The following MUC21 variants were observed in gnomAD, a reference collection of about 807,000 sequenced individuals.
The protein encoded by MUC21 is mucin 21, cell surface associated.
In MUC21, 8 loss-of-function variants were observed where a neutral mutation model predicts 9.1. That is an observed-to-expected ratio of 0.88 (90% CI 0.52 to 1.59). The LOEUF is 1.59. Ranked by LOEUF, MUC21 falls within the 40% of genes most tolerant of loss-of-function variation. The pLI, the probability that MUC21 is intolerant of heterozygous loss-of-function variation, is 0.00. For synonymous variants in MUC21, 189 were observed against 275.2 expected (o/e 0.69, Z 3.10); for missense variants, 478 against 694.2 (o/e 0.69, Z 3.50).
At chr6:30,987,724 G>A (rs1376404290) in intron 2 of MUC21, 43 bp downstream of exon 2, 1 of 1,594,326 alleles carries the variant, frequency 6.3e-7, no homozygotes, top group African/African-American at 1.3e-5. Flanking sequence ...GGAAGGAGCA[G>A]CAGAAACACA....
rs534658929 is a variant in MUC21 at position 30,986,931 on chromosome 6, C to T, written c.756C>T (p.Ala252=). 20,554 of 1,435,740 alleles carry T rather than the reference C, an allele frequency of 0.014. 1,057 individuals are homozygous for T. The highest frequency in any genetic ancestry group is 0.043 in the East Asian group (1,604 of 36,958). 88.9% of individuals were successfully genotyped at this position (1,435,740 alleles called of 1,614,324 possible). The part of the protein sequence containing the change: ...NSESSTPSSG[A]GTATNSESST... ...AGTCCAGCACACCCTCCAGTGGGGCCGGCACAGCCACCAACTCTGAGTCCA... is the reference window on the plus strand; with the variant it reads ...AGTCCAGCACACCCTCCAGTGGGGCTGGCACAGCCACCAACTCTGAGTCCA... Residue 252 remains alanine, a synonymous_variant, in exon 2 of 3, where the codon GCC becomes GCT. Coordinates refer to ENST00000376296, the MANE Select transcript of MUC21 (RefSeq NM_001010909.5).
Position 30,986,319 on chromosome 6 carries a change from T to C in MUC21, c.144T>C (p.Ser48=). The C allele has an allele frequency of 6.2e-7, 1 of 1,613,858 alleles. No homozygotes were observed. Among genetic ancestry groups the C allele is most frequent in the Non-Finnish European group, 8.5e-7 (1 of 1,179,840 alleles). Residue 48 remains serine (S), a synonymous_variant, in exon 2 of 3, where the codon TCT becomes TCC. Transcript: ENST00000376296. ...ISSGASTATN[S]GSSVTSSGVS... is the part of the protein sequence containing the mutation. ...GTGGAGCCAGCACAGCCACCAACTC[T>C]GGGTCCAGTGTGACCTCCAGTGGGG...
chr6:30,986,140 A>T, intron 1 of MUC21, 97 bp from the exon 2 acceptor site: 1 of 1,036,044 alleles, frequency 9.7e-7, no homozygotes, highest in Non-Finnish European at 1.4e-6. Flanking sequence ...ATAGCACCAT[A>T]GTGAGCATTA....
chr6:30,987,915 T>A, intron 2 of MUC21, 85 bp from the exon 3 acceptor site: 1 of 1,011,814 alleles, frequency 9.9e-7, no homozygotes, highest in Non-Finnish European at 1.6e-6. Flanking sequence ...TGGTTGGAAG[T>A]GGGAGAAGAT....
intron 1 of MUC21, among the ~76,000 whole-genome samples, chr6:30,984,398 C>T (rs1396203336): frequency 1.3e-5 from 2 of 151,588 alleles, no homozygotes; most frequent in Non-Finnish European, 2.9e-5. Context: ...TGGCGGGGTG[C>T]GGTGGCTCAT....
In MUC21 at chr6:30,988,620, CG is replaced by C. The variant is rs1353292732; in HGVS notation, c.*427del. The C allele has an allele frequency of 1.3e-4, 21 of 162,736 alleles. No individual in the cohort carries two copies. Among genetic ancestry groups the C allele is most frequent in the Admixed American group, 1.9e-4 (3 of 15,726 alleles). The allele number at this position is 162,736 out of a possible 1,614,324, so 10.1% of individuals were successfully genotyped here. On this transcript the variant is annotated 3_prime_UTR_variant, in exon 3 of 3. Coordinates refer to ENST00000376296, the MANE Select transcript of MUC21 (RefSeq NM_001010909.5). ...AGGTCCCTGTATCTCTGAGACACCC[CG>C]ATTGGCTGGAGAATTGACTTGGGAG...
rs1205225572 is a variant in MUC21, at chr6:30,986,397, A to G, written c.222A>G (p.Ile74Met). The change falls in exon 2 of 3, where the codon ATA becomes ATG. Residue 74 changes from isoleucine (I) to methionine (M), a missense_variant. Ile to Met is a conservative substitution (Grantham distance 10). Coordinates refer to ENST00000376296, the MANE Select transcript of MUC21 (RefSeq NM_001010909.5). ...GCGTGACCTCCAATGGGGTCAGCAT[A>G]GTCACCAACTCTGAGTTCCATACAA... ...GSSVTSNGVS[I>M]VTNSEFHTTS... 4 of 1,612,240 alleles carry G rather than the reference A, an allele frequency of 2.5e-6. No homozygotes were observed. Among genetic ancestry groups the G allele is most frequent in the Non-Finnish European group, 3.4e-6 (4 of 1,179,332 alleles).
In MUC21 at chr6:30,988,391, G is replaced by C; in HGVS notation, c.*197G>C. The C allele has an allele frequency of 1.8e-6, 1 of 564,984 alleles. No individual in the cohort carries two copies. Among genetic ancestry groups the C allele is most frequent in the Non-Finnish European group, 3.1e-6 (1 of 324,128 alleles). 35.0% of individuals were successfully genotyped at this position (564,984 alleles called of 1,614,324 possible). A position where few individuals can be genotyped will look rare whatever the true frequency, so the allele number is the denominator to read the frequency against. On this transcript the variant is annotated 3_prime_UTR_variant, in exon 3 of 3. Coordinates refer to ENST00000376296, the MANE Select transcript of MUC21 (RefSeq NM_001010909.5). ...AATACTATATTGCTCATTTAGCTAA[G>C]AAATAAATACATCTCATCTAACACA...
chr6:30,986,154 A>G, intron 1 of MUC21, 83 bp from the exon 2 acceptor site: 1 of 1,192,270 alleles, frequency 8.4e-7, no homozygotes, highest in Non-Finnish European at 1.2e-6. Flanking sequence ...AGCATTAAAT[A>G]AAATTATGTA....
chr6:30,989,841 T>C lies in MUC21; in HGVS notation c.*1647T>C, dbSNP rs886403. ...AGAGGGAGTGTGGGAATCCACCATCTTGTGGCCACCTCAGACATCACTTCT... is the reference window on the plus strand; with the variant it reads ...AGAGGGAGTGTGGGAATCCACCATCCTGTGGCCACCTCAGACATCACTTCT... On this transcript the variant is annotated 3_prime_UTR_variant, in exon 3 of 3. Transcript: ENST00000376296. 34,028 of 152,178 alleles carry C rather than the reference T, an allele frequency of 0.22. 4,271 individuals carry two copies. Among genetic ancestry groups the C allele is most frequent in the Non-Finnish European group, 0.28 (19,265 of 67,976 alleles). 9.4% of individuals were successfully genotyped at this position (152,178 alleles called of 1,614,324 possible).
intron 1 of MUC21, among the ~76,000 whole-genome samples, chr6:30,984,353 A>T (rs1762161821): frequency 6.6e-6 from 1 of 152,242 alleles, no homozygotes; most frequent in Admixed American, 6.5e-5. Flanking sequence ...TATTAAGAAC[A>T]AGAAGAGTCG....
chr6:30,985,818 G>T (rs966881051), intron 1 of MUC21, among the ~76,000 whole-genome samples: 1 of 152,012 alleles, frequency 6.6e-6, no homozygotes, highest in African/African-American at 2.4e-5. Context: ...TTTGCTCTTG[G>T]CACCCAGGCT....
chr6:30,988,080 C>A lies in MUC21; in HGVS notation c.1587C>A (p.Gly529=). The change falls in exon 3 of 3, where the codon GGC becomes GGA. Residue 529 remains glycine, a synonymous_variant. Coordinates refer to ENST00000376296, the MANE Select transcript of MUC21 (RefSeq NM_001010909.5). ...PHGLNHGLGP[G]PGGNHGAPHR... ...GCCTCAACCATGGCCTTGGTCCAGGCCCTGGAGGGAATCATGGAGCCCCCC... is the reference window on the plus strand; with the variant it reads ...GCCTCAACCATGGCCTTGGTCCAGGACCTGGAGGGAATCATGGAGCCCCCC... The A allele has an allele frequency of 1.9e-6, 3 of 1,602,402 alleles. No individual in the cohort carries two copies. In the Middle Eastern group the frequency reaches 5.0e-4, roughly 265 times the overall value.
At position 30,984,104 on chromosome 6, in the gene MUC21, G is replaced by A. The variant is rs538394996; in HGVS notation, c.61+85G>A. On this transcript the variant is annotated intron_variant, in intron 1 of 2. Transcript: ENST00000376296. ...TGTGACCACTACTGGGGCCAGCTCTGCTTCTCTTCCATAGAGTGAGGATCA... is the reference window on the plus strand; with the variant it reads ...TGTGACCACTACTGGGGCCAGCTCTACTTCTCTTCCATAGAGTGAGGATCA... The A allele has an allele frequency of 2.7e-4, 204 of 746,336 alleles. 1 individual carries two copies. In the African/African-American group the frequency reaches 3.3e-3, roughly 12 times the overall value. 46.2% of individuals were successfully genotyped at this position (746,336 alleles called of 1,614,324 possible).
Position 30,986,649 on chromosome 6 carries a change from C to T in MUC21, c.474C>T (p.Thr158=). The change falls in exon 2 of 3, where the codon ACC becomes ACT. Residue 158 remains threonine (T), a synonymous_variant. Coordinates refer to ENST00000376296, the MANE Select transcript of MUC21 (RefSeq NM_001010909.5). The part of the protein sequence containing the change: ...STATNSDSST[T]SSEASTATNS... ...CCACCAACTCTGACTCCAGCACAAC[C>T]TCCAGTGAGGCCAGCACAGCCACCA... The T allele has an allele frequency of 6.5e-7, 1 of 1,543,658 alleles. No homozygotes were observed. Among genetic ancestry groups the T allele is most frequent in the Non-Finnish European group, 8.8e-7 (1 of 1,141,506 alleles).
Position 30,986,510 on chromosome 6 carries a change from C to A in MUC21, c.335C>A (p.Thr112Lys), listed in dbSNP as rs144646436. The A allele has an allele frequency of 8.7e-6, 14 of 1,603,128 alleles. No homozygotes were observed. The highest frequency in any genetic ancestry group is 1.2e-5 in the Non-Finnish European group (14 of 1,174,036). ...ISIATNSESS[T>K]TSSGASTATN... ...ATAGCCACCAACTCTGAGTCCAGCA[C>A]AACCTCCAGTGGGGCCAGCACAGCC... The change falls in exon 2 of 3, where the codon ACA (threonine) becomes AAA (lysine). Residue 112 changes from threonine to lysine, a missense_variant. Transcript: ENST00000376296.
Position 30,983,984 on chromosome 6 carries a change from T to G in MUC21, c.26T>G (p.Leu9Arg), listed in dbSNP as rs1232915968. 2.6e-6 allele frequency: 2 copies of G among 779,832 alleles called. No individual in the cohort carries two copies. The highest frequency in any genetic ancestry group is 3.4e-5 in the African/African-American group (2 of 59,154). 48.3% of individuals were successfully genotyped at this position (779,832 alleles called of 1,614,324 possible). The change falls in exon 1 of 3, where the codon CTC becomes CGC. Residue 9 changes from leucine to arginine, a missense_variant. Leu to Arg is a moderately radical substitution (Grantham distance 102). This residue lies in a region of MUC21 where 110 missense variants were observed against 108.3 expected (regional missense o/e 1.02). Transcript: ENST00000376296. MKMQKGNV[L>R]LMFGLLLHLE... ...ATGAAGATGCAGAAAGGAAATGTTC[T>G]CCTTATGTTTGGTCTACTATTGCAT... is the stretch of plus-strand genomic sequence containing the variant.
chr6:30,988,728 A>C lies in MUC21; in HGVS notation c.*534A>C, dbSNP rs1056425700. 7.3e-6 allele frequency: 1 copy of C among 136,502 alleles called. No individual in the cohort carries two copies. Among genetic ancestry groups the C allele is most frequent in the Non-Finnish European group, 1.5e-5 (1 of 64,922 alleles). The allele number at this position is 136,502 out of a possible 1,614,324, so 8.5% of individuals were successfully genotyped here. On this transcript the variant is annotated 3_prime_UTR_variant, in exon 3 of 3. Coordinates refer to ENST00000376296, the MANE Select transcript of MUC21 (RefSeq NM_001010909.5). ...GTACACAGAGATTAGGTTGTGATAC[A>C]TGAAGAGCCAAGAGCAGGATGAGGT...
rs1762432901 is a variant in MUC21 at position 30,987,517 on chromosome 6, G to A, written c.1342G>A (p.Gly448Arg). 2.5e-6 allele frequency: 4 copies of A among 1,614,272 alleles called. No homozygotes were observed. Among genetic ancestry groups the A allele is most frequent in the Non-Finnish European group, 3.4e-6 (4 of 1,180,052 alleles). The change falls in exon 2 of 3, where the codon GGA (glycine) becomes AGA (arginine). Residue 448 changes from glycine (G) to arginine (R), a missense_variant. Physicochemically the swap from Gly to Arg is moderately radical, Grantham distance 125. This residue lies in a region of MUC21 where 158 missense variants were observed against 192.6 expected (regional missense o/e 0.82). Coordinates refer to ENST00000376296, the MANE Select transcript of MUC21 (RefSeq NM_001010909.5). The part of the protein sequence containing the change: ...SGSSVTSAGS[G>R]TAALTGMHTT... Reference sequence around the variant, plus strand: ...GTCCAGTGTGACCTCTGCAGGCTCTGGAACAGCAGCTCTGACTGGAATGCA... The same window carrying A: ...GTCCAGTGTGACCTCTGCAGGCTCTAGAACAGCAGCTCTGACTGGAATGCA...
Sources: gnomAD v4.1 joint callset for allele counts (sites outside exome capture counted in the v4.1 genomes callset) on GRCh38, gnomAD v4.1.1 for gene constraint, gnomAD v4.1.1 regional missense constraint, MANE v1.5 for transcripts, NCBI Gene and HGNC (gene_info 2026-07-23, HGNC 2026-07-21) for gene names.